MAP7D2: variants seen among roughly 807,000 people sequenced by gnomAD.
MAP7D2 encodes the protein MAP7 domain-containing protein 2.
In MAP7D2, 33 loss-of-function variants were observed where a neutral mutation model predicts 63.5. That is an observed-to-expected ratio of 0.52 (90% confidence interval 0.39 to 0.70). MAP7D2 has a LOEUF of 0.70. Among genes scored for constraint, MAP7D2 ranks in the 30% least tolerant of loss-of-function variants. The pLI is 0.00. For missense variants in MAP7D2, 626 were observed against 604.0 expected, an observed-to-expected ratio of 1.04 and a Z score of -0.38; for synonymous variants, 224 against 223.7, an observed-to-expected ratio of 1.00 and a Z score of -0.01.
chrX:20,089,642 C>A (rs983312665), intron 1 of MAP7D2, among the ~76,000 whole-genome samples: 2 of 112,112 alleles, frequency 1.8e-5, no homozygotes, highest in African/African-American at 6.5e-5. Flanking sequence ...CCAGGGGATT[C>A]CCATCAAGTT....
chrX:20,015,613 G>A lies in MAP7D2; in HGVS notation c.1645-286C>T, dbSNP rs188596393. ...GGCTTGGGCCATGAAGTGTGCATGTGGCCAGATCAGAGAGTTAATTCCCCA... is the reference window on the plus strand; with the variant it reads ...GGCTTGGGCCATGAAGTGTGCATGTAGCCAGATCAGAGAGTTAATTCCCCA... On this transcript the variant is annotated intron_variant, in intron 11 of 16. Coordinates refer to ENST00000379643, the MANE Select transcript of MAP7D2 (RefSeq NM_001168465.2). 4.4e-5 allele frequency among the ~76,000 whole-genome samples: 5 copies of A among 112,366 alleles called. No individual in the cohort carries two copies. In the East Asian group the frequency reaches 1.4e-3, roughly 31 times the overall value.
chrX:20,046,539 T>C (rs143793241), intron 6 of MAP7D2, among the ~76,000 whole-genome samples: 1,207 of 112,423 alleles, frequency 0.011, 6 homozygotes, highest in Middle Eastern at 0.018. Context: ...CCTGACTATA[T>C]TTCCTCTACC....
At chrX:20,070,865 T>C (rs902449786) in intron 1 of MAP7D2, among the ~76,000 whole-genome samples, 3 of 112,403 alleles carry the variant, frequency 2.7e-5, no homozygotes, top group African/African-American at 6.5e-5. Flanking sequence ...TGAAGTACTC[T>C]CCTATAGAAT....
intron 8 of MAP7D2, among the ~76,000 whole-genome samples, chrX:20,028,542 C>T (rs781716144): frequency 3.6e-5 from 4 of 112,141 alleles, no homozygotes; most frequent in Admixed American, 9.4e-5. Flanking sequence ...ACTAACTGTA[C>T]ACATTAGCTG....
chrX:20,100,957 G>T (rs1308264856), intron 1 of MAP7D2, among the ~76,000 whole-genome samples: 1 of 107,688 alleles, frequency 9.3e-6, no homozygotes, highest in Non-Finnish European at 1.9e-5. Context: ...GGAGGCGGAG[G>T]TTGCGGTGAG....
At chrX:20,087,871 T>G (rs2065948125) in intron 1 of MAP7D2, among the ~76,000 whole-genome samples, 1 of 97,439 alleles carries the variant, frequency 1.0e-5, no homozygotes, top group Non-Finnish European at 2.0e-5. Flanking sequence ...CAGCAACTAA[T>G]TTCTTTTCTT....
At chrX:20,012,202 G>C (rs897582505) in intron 15 of MAP7D2, 147 bp downstream of exon 15, 11 of 408,518 alleles carry the variant, frequency 2.7e-5, no homozygotes, top group African/African-American at 2.5e-4. Flanking sequence ...CAAGACACTA[G>C]AATGTTATAC....
chrX:20,061,649 T>C (rs767029967), intron 3 of MAP7D2, among the ~76,000 whole-genome samples: 7 of 112,185 alleles, frequency 6.2e-5, no homozygotes, highest in Non-Finnish European at 1.1e-4. Flanking sequence ...CCACAAAAGA[T>C]TCAGCTGCAT....
chrX:20,094,569 C>T (rs5909356), intron 1 of MAP7D2, among the ~76,000 whole-genome samples: 3,395 of 8,214 alleles, frequency 0.41, 1,064 homozygotes, highest in South Asian at 0.58. Context: ...TATATATATA[C>T]ATATATATGT....
At chrX:20,029,250 G>C (rs114379351) in intron 8 of MAP7D2, among the ~76,000 whole-genome samples, 1 of 112,254 alleles carries the variant, frequency 8.9e-6, no homozygotes, top group Non-Finnish European at 1.9e-5. Flanking sequence ...GGGCTGGACT[G>C]GGGGGAGTGG....
intron 1 of MAP7D2, among the ~76,000 whole-genome samples, chrX:20,103,501 C>T (rs540409971): frequency 2.3e-4 from 26 of 111,606 alleles, no homozygotes; most frequent in African/African-American, 7.8e-4. Context: ...GGTTGAATGA[C>T]AAGTGCCAAA....
intron 8 of MAP7D2, among the ~76,000 whole-genome samples, chrX:20,032,398 C>T (rs755859176): frequency 9.0e-6 from 1 of 110,786 alleles, no homozygotes; most frequent in East Asian, 2.8e-4. Context: ...AACCAAGCCA[C>T]ACATCTCCCA....
In MAP7D2 at chrX:20,019,200, A is replaced by AT. The variant is rs199856786; in HGVS notation, c.1413-2876dup. Among the ~76,000 whole-genome samples, 494 of 108,448 alleles carry AT rather than the reference A, an allele frequency of 4.6e-3. 2 individuals carry two copies. Among genetic ancestry groups the AT allele is most frequent in the Non-Finnish European group, 7.4e-3 (385 of 52,053 alleles). The allele number at this position is 108,448 out of a possible 115,157, so 94.2% of individuals were successfully genotyped here. On this transcript the variant is annotated intron_variant, in intron 10 of 16. Coordinates refer to ENST00000379643, the MANE Select transcript of MAP7D2 (RefSeq NM_001168465.2). ...GCCACCATGCCTGGATCATTTTTGAATTTTTTTTTAATAGAGACAGGTCTC... is the reference window on the plus strand; with the variant it reads ...GCCACCATGCCTGGATCATTTTTGAATTTTTTTTTTAATAGAGACAGGTCTC...
At chrX:20,059,589 T>TGGAAGGAAGGAAGGAAGGAAGGAAGGAA (rs778547441) in intron 3 of MAP7D2, among the ~76,000 whole-genome samples, 4 of 74,150 alleles carry the variant, frequency 5.4e-5, no homozygotes, top group Admixed American at 3.3e-4. Flanking sequence ...AGTGGAAGGG[T>TGGAAGGAAGGAAGGAAGGAAGGAAGGAA]GGAAGGAAGG....
chrX:20,010,880 G>A lies in MAP7D2; in HGVS notation c.2245C>T (p.Leu749=). The A allele has an allele frequency of 1.5e-5, 18 of 1,211,296 alleles. No homozygotes were observed. The highest frequency in any genetic ancestry group is 2.0e-5 in the Non-Finnish European group (18 of 895,314). ...ATAAGGTTTTTGTTACAGTCGTCCA[G>A]GCTGAGATTTTCACTGGATCTCTTG... is the stretch of plus-strand genomic sequence containing the variant. The part of the protein sequence containing the change: ...FPKRSSENLS[L]DDCNKNLIEG... The change falls in exon 16 of 17, where the codon CTG becomes TTG. Residue 749 remains leucine, a synonymous_variant. Coordinates refer to ENST00000379643, the MANE Select transcript of MAP7D2 (RefSeq NM_001168465.2).
intron 8 of MAP7D2, among the ~76,000 whole-genome samples, chrX:20,026,833 GA>G (rs2073863770): frequency 8.9e-6 from 1 of 111,820 alleles, no homozygotes; most frequent in Non-Finnish European, 1.9e-5. Flanking sequence ...CTAGAGGTTT[GA>G]ACAGGGATGT....
At chrX:20,031,239 G>C (rs2074039690) in intron 8 of MAP7D2, among the ~76,000 whole-genome samples, 1 of 109,521 alleles carries the variant, frequency 9.1e-6, no homozygotes, top group African/African-American at 3.3e-5. Context: ...GCAGTGAGCC[G>C]AGATTGCACC....
intron 1 of MAP7D2, 51 bp downstream of exon 1, chrX:20,116,699 C>G (rs1283553690): frequency 1.8e-5 from 20 of 1,118,724 alleles, no homozygotes; most frequent in Non-Finnish European, 2.4e-5. Context: ...GGCCCGCCCC[C>G]CCACAGGAAC....
chrX:20,015,104 G>T, intron 12 of MAP7D2, 119 bp downstream of exon 12: 1 of 498,242 alleles, frequency 2.0e-6, no homozygotes, highest in Non-Finnish European at 3.5e-6. Context: ...TTGAACAGTG[G>T]TATCAATGAA....
Sources: allele counts gnomAD v4.1 joint callset (sites outside exome capture counted in the v4.1 genomes callset), GRCh38; gene constraint gnomAD v4.1.1; transcripts MANE v1.5; gene names NCBI Gene and HGNC (gene_info 2026-07-23, HGNC 2026-07-21).